FAAH2: variants seen among roughly 807,000 people sequenced by gnomAD.
The protein encoded by FAAH2 is fatty acid amide hydrolase 2, also known as fatty-acid amide hydrolase 2.
Under a neutral mutation model 36.9 loss-of-function variants are expected in FAAH2, and 60 were observed. The ratio of observed to expected loss-of-function variants is 1.63; its 90% CI spans 1.32 to 2.02. The LOEUF (loss-of-function observed/expected upper bound fraction) is 2.02, where lower values mean the gene tolerates loss of function less well. Among genes scored for constraint, FAAH2 ranks in the 30% most tolerant of loss-of-function variants. The probability of loss-of-function intolerance (pLI) is 0.00; values close to 1 mark genes in which losing one functional copy is unlikely to be tolerated. For synonymous variants in FAAH2, 214 were observed against 143.8 expected (o/e 1.49, Z -3.49); for missense variants, 689 against 397.5 (o/e 1.73, Z -6.23).
rs148764754 is a variant in FAAH2 at position 57,295,100 on chromosome X, G to A, written c.275+2520G>A. Among the ~76,000 whole-genome samples the A allele has an allele frequency of 4.7e-3, 527 of 111,820 alleles. 3 individuals carry two copies. Among genetic ancestry groups the A allele is most frequent in the African/African-American group, 0.016 (499 of 30,776 alleles). On this transcript the variant is annotated intron_variant, in intron 2 of 10. Transcript: ENST00000374900. ...GCTGGGACCAAGACATCTGTGAAGA[G>A]GGTGTTGCCTGGCTGCTGCTTCTAC...
intron 10 of FAAH2, among the ~76,000 whole-genome samples, chrX:57,459,996 T>C (rs1350708945): frequency 9.0e-6 from 1 of 110,693 alleles, no homozygotes; most frequent in Non-Finnish European, 1.9e-5. Context: ...GCAGAATGAG[T>C]TTGACGAATT....
chrX:57,478,327 G>A (rs1469288920), intron 10 of FAAH2, among the ~76,000 whole-genome samples: 5 of 111,188 alleles, frequency 4.5e-5, no homozygotes, highest in African/African-American at 1.6e-4. Context: ...CCCACTTTTT[G>A]ATGGGGTTGT....
intron 7 of FAAH2, among the ~76,000 whole-genome samples, chrX:57,414,683 TTG>T (rs2055792557): frequency 9.0e-6 from 1 of 111,162 alleles, no homozygotes; most frequent in African/African-American, 3.3e-5. Flanking sequence ...TTTTCTTGTT[TTG>T]TTGTCTTTCT....
chrX:57,151,186 C>A, the FAAH2 span, among the ~76,000 whole-genome samples: 2 of 111,953 alleles, frequency 1.8e-5, no homozygotes, highest in African/African-American at 3.2e-5. Flanking sequence ...GTCTGGCTGC[C>A]CTTAACATTT....
chrX:57,194,006 T>C, the FAAH2 span, among the ~76,000 whole-genome samples: 1 of 111,760 alleles, frequency 8.9e-6, no homozygotes, highest in Non-Finnish European at 1.9e-5. Context: ...TGTGTCTTTG[T>C]CTGGTTTTGG....
intron 10 of FAAH2, among the ~76,000 whole-genome samples, chrX:57,457,016 A>G (rs1348344941): frequency 5.4e-5 from 6 of 111,928 alleles, no homozygotes; most frequent in Non-Finnish European, 9.4e-5. Flanking sequence ...ATTCAAGTCA[A>G]TATCCCTGAT....
At chrX:57,176,227 A>G in the FAAH2 span, among the ~76,000 whole-genome samples, 1 of 108,822 alleles carries the variant, frequency 9.2e-6, no homozygotes, top group Non-Finnish European at 1.9e-5. Context: ...AGGTTTGGCC[A>G]TTTTGTATAA....
chrX:57,396,678 C>T (rs1272679810), intron 7 of FAAH2, among the ~76,000 whole-genome samples: 1 of 111,443 alleles, frequency 9.0e-6, no homozygotes, highest in Non-Finnish European at 1.9e-5. Context: ...TACATTTATC[C>T]CACTGTGGTC....
At chrX:57,228,597 A>G in the FAAH2 span, among the ~76,000 whole-genome samples, 1 of 111,181 alleles carries the variant, frequency 9.0e-6, no homozygotes, top group Non-Finnish European at 1.9e-5. Context: ...TGGAGCTAAA[A>G]TTCACAATGC....
intron 4 of FAAH2, among the ~76,000 whole-genome samples, chrX:57,337,007 A>G (rs950592686): frequency 4.1e-4 from 45 of 110,691 alleles, no homozygotes; most frequent in African/African-American, 1.4e-3. Flanking sequence ...CACTAGCTAG[A>G]CTAATAAAGA....
the FAAH2 span, among the ~76,000 whole-genome samples, chrX:57,182,318 C>A: frequency 8.9e-6 from 1 of 111,787 alleles, no homozygotes; most frequent in Admixed American, 9.5e-5. Context: ...AAAATATTTG[C>A]AAGTTATGCA....
chrX:57,321,173 C>A (rs1170917502), intron 3 of FAAH2, among the ~76,000 whole-genome samples: 1 of 110,311 alleles, frequency 9.1e-6, no homozygotes, highest in Non-Finnish European at 1.9e-5. Flanking sequence ...AATGCATGTC[C>A]TTTGCAGGGA....
chrX:57,299,671 T>C (rs1242646084), intron 2 of FAAH2, among the ~76,000 whole-genome samples: 1 of 111,951 alleles, frequency 8.9e-6, no homozygotes, highest in African/African-American at 3.2e-5. Context: ...AAATTGTCCC[T>C]GTTTGCAGAT....
chrX:57,164,636 C>T, the FAAH2 span, among the ~76,000 whole-genome samples: 18 of 111,942 alleles, frequency 1.6e-4, no homozygotes, highest in East Asian at 3.1e-3. Context: ...TTCAAATGCA[C>T]GAACAATTTG....
At chrX:57,376,372 C>T (rs1448447477) in intron 5 of FAAH2, among the ~76,000 whole-genome samples, 1 of 111,159 alleles carries the variant, frequency 9.0e-6, no homozygotes, top group East Asian at 2.8e-4. Flanking sequence ...TCTCCTAATG[C>T]TATCCCTCCC....
At chrX:57,188,004 G>C in the FAAH2 span, among the ~76,000 whole-genome samples, 2 of 111,791 alleles carry the variant, frequency 1.8e-5, no homozygotes, top group Non-Finnish European at 3.8e-5. Flanking sequence ...GCCCAACAGG[G>C]ATAATAACCT....
intron 7 of FAAH2, among the ~76,000 whole-genome samples, chrX:57,407,920 T>C (rs1569323713): frequency 8.9e-6 from 1 of 112,323 alleles, no homozygotes; most frequent in African/African-American, 3.2e-5. Context: ...CTTTCTTCAC[T>C]ATGTATTCTT....
the FAAH2 span, among the ~76,000 whole-genome samples, chrX:57,246,985 A>C: frequency 9.0e-6 from 1 of 111,160 alleles, no homozygotes; most frequent in African/African-American, 3.3e-5. Context: ...AGGTATAAAA[A>C]CTTTATGAGG....
intron 10 of FAAH2, among the ~76,000 whole-genome samples, chrX:57,476,314 T>C (rs1202758630): frequency 9.0e-6 from 1 of 111,225 alleles, no homozygotes; most frequent in East Asian, 2.8e-4. Context: ...ACCCATTCAG[T>C]ATGATATCGG....
Sources: allele counts gnomAD v4.1 joint callset (sites outside exome capture counted in the v4.1 genomes callset), GRCh38; gene constraint gnomAD v4.1.1; transcripts MANE v1.5; gene names NCBI Gene and HGNC (gene_info 2026-07-23, HGNC 2026-07-21).